Variants in NOS1AP observed in about 807,000 individuals in gnomAD.
NOS1AP encodes the protein carboxyl-terminal PDZ ligand of neuronal nitric oxide synthase protein.
A neutral mutation model predicts 56.2 loss-of-function variants in NOS1AP; 21 were observed. That is an observed-to-expected ratio of 0.37 (90% CI 0.26 to 0.54). The LOEUF (loss-of-function observed/expected upper bound fraction) is 0.54. NOS1AP is among the 20% of genes least tolerant of loss of function. NOS1AP has a pLI of 0.84. For missense variants in NOS1AP, 522 were observed against 657.8 expected (o/e 0.79, Z 2.26); for synonymous variants, 270 against 274.6 (o/e 0.98, Z 0.17).
At chr1:162,349,662 C>T (rs559802055) in intron 6 of NOS1AP, among the ~76,000 whole-genome samples, 28 of 152,290 alleles carry the variant, frequency 1.8e-4, no homozygotes, top group African/African-American at 4.3e-4. Context: ...CACTGTTTAT[C>T]GAGTTTTCTA....
intron 2 of NOS1AP, among the ~76,000 whole-genome samples, chr1:162,228,612 G>A (rs1653017769): frequency 6.6e-6 from 1 of 152,236 alleles, no homozygotes; most frequent in African/African-American, 2.4e-5. Context: ...TCTCTCAGGA[G>A]TAAGGGCAAG....
intron 1 of NOS1AP, among the ~76,000 whole-genome samples, chr1:162,103,524 C>T (rs1027719818): frequency 1.3e-5 from 2 of 152,108 alleles, no homozygotes. Context: ...CTAATATTGA[C>T]AGTGGGGTAT....
At chr1:162,314,908 G>A (rs967178539) in intron 4 of NOS1AP, among the ~76,000 whole-genome samples, 7 of 152,146 alleles carry the variant, frequency 4.6e-5, no homozygotes, top group African/African-American at 1.7e-4. Flanking sequence ...AGTAAGAGTA[G>A]GAGGAGAAAA....
At chr1:162,366,549 T>C (rs1018598739) in intron 9 of NOS1AP, among the ~76,000 whole-genome samples, 1 of 152,126 alleles carries the variant, frequency 6.6e-6, no homozygotes, top group African/African-American at 2.4e-5. Context: ...AGATCCTACA[T>C]CGTTCTGTCT....
intron 1 of NOS1AP, among the ~76,000 whole-genome samples, chr1:162,119,043 T>C (rs984198926): frequency 4.6e-5 from 7 of 152,226 alleles, no homozygotes; most frequent in Admixed American, 3.9e-4. Flanking sequence ...ATGTGAGAGC[T>C]GGATGGTAAT....
chr1:162,214,220 T>G (rs549190965), intron 2 of NOS1AP, among the ~76,000 whole-genome samples: 25 of 152,364 alleles, frequency 1.6e-4, no homozygotes, highest in Admixed American at 1.6e-3. Context: ...TTCAGCCCCT[T>G]TAACATTTGT....
chr1:162,304,840 G>A (rs1655770488), intron 4 of NOS1AP, among the ~76,000 whole-genome samples: 1 of 149,658 alleles, frequency 6.7e-6, no homozygotes, highest in Non-Finnish European at 1.5e-5. Flanking sequence ...AATATATATG[G>A]TCCATTTTAT....
intron 5 of NOS1AP, among the ~76,000 whole-genome samples, chr1:162,339,669 G>T (rs991742633): frequency 1.3e-5 from 2 of 152,184 alleles, no homozygotes; most frequent in African/African-American, 4.8e-5. Context: ...TCCCTCTTGG[G>T]TGCAGACATG....
intron 1 of NOS1AP, among the ~76,000 whole-genome samples, chr1:162,129,770 A>G (rs1648665903): frequency 6.6e-6 from 1 of 152,210 alleles, no homozygotes; most frequent in African/African-American, 2.4e-5. Flanking sequence ...ACCCATCGCC[A>G]GCCCCTCGAG....
At chr1:162,200,545 C>T (rs1651960916) in intron 2 of NOS1AP, among the ~76,000 whole-genome samples, 1 of 152,156 alleles carries the variant, frequency 6.6e-6, no homozygotes, top group Non-Finnish European at 1.5e-5. Context: ...GGATTATCTC[C>T]AGAGAGCGTT....
At chr1:162,271,924 C>T (rs551104436) in intron 2 of NOS1AP, among the ~76,000 whole-genome samples, 1 of 152,270 alleles carries the variant, frequency 6.6e-6, no homozygotes, top group East Asian at 1.9e-4. Context: ...CTCACTCTGT[C>T]ACCCAGGCTG....
At chr1:162,131,217 C>A (rs759812325) in intron 1 of NOS1AP, among the ~76,000 whole-genome samples, 1 of 151,942 alleles carries the variant, frequency 6.6e-6, no homozygotes, top group Non-Finnish European at 1.5e-5. Flanking sequence ...TTTAGTCTTG[C>A]GGGCTCTCAG....
intron 2 of NOS1AP, among the ~76,000 whole-genome samples, chr1:162,240,033 C>T (rs1653435322): frequency 6.6e-6 from 1 of 152,214 alleles, no homozygotes; most frequent in Non-Finnish European, 1.5e-5. Flanking sequence ...GTGCTCCTGC[C>T]ACCAGATGGC....
chr1:162,314,265 CAA>C (rs1466436670), intron 4 of NOS1AP, among the ~76,000 whole-genome samples: 1 of 152,204 alleles, frequency 6.6e-6, no homozygotes, highest in Non-Finnish European at 1.5e-5. Flanking sequence ...CCAAAGCAAT[CAA>C]AATTAAACCT....
chr1:162,134,951 G>A (rs1648927427), intron 1 of NOS1AP, among the ~76,000 whole-genome samples: 1 of 152,194 alleles, frequency 6.6e-6, no homozygotes, highest in African/African-American at 2.4e-5. Flanking sequence ...AACAGGCCAT[G>A]CTGCCTCAAC....
At chr1:162,252,199 A>G (rs1319493697) in intron 2 of NOS1AP, among the ~76,000 whole-genome samples, 1 of 151,948 alleles carries the variant, frequency 6.6e-6, no homozygotes, top group East Asian at 1.9e-4. Flanking sequence ...GGTGTGTGCT[A>G]CCATGTCCAG....
chr1:162,187,233 C>T (rs1417208779), intron 2 of NOS1AP, among the ~76,000 whole-genome samples: 1 of 152,146 alleles, frequency 6.6e-6, no homozygotes, highest in East Asian at 1.9e-4. Flanking sequence ...TCCCAAAGTG[C>T]TAGGATTACA....
chr1:162,084,228 A>T (rs12404369), intron 1 of NOS1AP, among the ~76,000 whole-genome samples: 71,731 of 152,046 alleles, frequency 0.47, 20,792 homozygotes, highest in Non-Finnish European at 0.65. Flanking sequence ...TCTTGGAGTG[A>T]TGAATGATTT....
At chr1:162,158,132 A>G (rs1030502324) in intron 2 of NOS1AP, among the ~76,000 whole-genome samples, 14 of 152,166 alleles carry the variant, frequency 9.2e-5, no homozygotes, top group Non-Finnish European at 1.5e-5. Flanking sequence ...TGGACACTCT[A>G]TACCCATTAA....
Sources: allele counts gnomAD v4.1 joint callset (sites outside exome capture counted in the v4.1 genomes callset), GRCh38; gene constraint gnomAD v4.1.1; transcripts MANE v1.5; gene names NCBI Gene and HGNC (gene_info 2026-07-23, HGNC 2026-07-21).